Variants in SHCBP1L observed in about 807,000 individuals in gnomAD.
SHCBP1L encodes SHC binding and spindle associated 1 like, also known as testicular spindle-associated protein SHCBP1L.
In SHCBP1L, 67 loss-of-function variants were observed where a neutral mutation model predicts 62.5. The ratio of observed to expected loss-of-function variants is 1.07; its 90% CI spans 0.88 to 1.31. The LOEUF (loss-of-function observed/expected upper bound fraction) is 1.31. SHCBP1L is among the 40% of genes most tolerant of loss of function. The probability of loss-of-function intolerance (pLI) is 0.00; values close to 1 mark genes in which losing one functional copy is unlikely to be tolerated. For missense variants in SHCBP1L, 823 were observed against 809.8 expected, an observed-to-expected ratio of 1.02 and a Z score of -0.20; for synonymous variants, 284 against 289.4, an observed-to-expected ratio of 0.98 and a Z score of 0.19.
intron 6 of SHCBP1L, among the ~76,000 whole-genome samples, chr1:182,929,392 A>G (rs1366110562): frequency 1.3e-5 from 2 of 152,184 alleles, no homozygotes; most frequent in Non-Finnish European, 2.9e-5. Context: ...TGTCTCCCCT[A>G]AATGCAGTCT....
At chr1:182,942,927 T>C (rs768995085) in intron 2 of SHCBP1L, among the ~76,000 whole-genome samples, 92 of 152,274 alleles carry the variant, frequency 6.0e-4, no homozygotes, top group Non-Finnish European at 1.2e-3. Context: ...TTATAACTAA[T>C]TTAATATAAA....
intron 8 of SHCBP1L, 79 bp downstream of exon 8, chr1:182,904,101 C>A: frequency 6.7e-7 from 1 of 1,497,838 alleles, no homozygotes; most frequent in East Asian, 2.3e-5. Flanking sequence ...GAAATTGCTA[C>A]CCTTTATTTG....
intron 2 of SHCBP1L, among the ~76,000 whole-genome samples, chr1:182,946,793 G>A (rs1469139310): frequency 6.6e-6 from 1 of 152,004 alleles, no homozygotes; most frequent in African/African-American, 2.4e-5. Flanking sequence ...TTTTCTTTAT[G>A]GTGTTAGGAT....
intron 5 of SHCBP1L, among the ~76,000 whole-genome samples, chr1:182,933,510 C>T (rs914480670): frequency 3.9e-5 from 6 of 151,996 alleles, no homozygotes; most frequent in African/African-American, 7.2e-5. Context: ...GAGGAAAATG[C>T]CTTCTATTCC....
chr1:182,905,611 A>T lies in SHCBP1L; in HGVS notation c.1221T>A (p.His407Gln), dbSNP rs776094227. Reference protein sequence around the residue: ...DLSSDTLLQQHGDLDLALDNC... With the variant: ...DLSSDTLLQQQGDLDLALDNC... ...TATCCAAAGCCAAATCCAAATCACC[A>T]TGCTGTTGGAGAAGTGTGTCTGAAG... is the stretch of plus-strand genomic sequence containing the variant. Residue 407 changes from histidine to glutamine, a missense_variant, in exon 7 of 10, where the codon CAT (histidine) becomes CAA (glutamine). By Grantham distance (24) the His-to-Gln change is conservative. Coordinates refer to ENST00000367547, the MANE Select transcript of SHCBP1L (RefSeq NM_030933.4). 3.1e-6 allele frequency: 5 copies of T among 1,613,622 alleles called. No homozygotes were observed. The Admixed American group carries it at 8.3e-5, about 27-fold the overall frequency.
rs1024980182 is a variant in SHCBP1L at position 182,947,110 on chromosome 1, G to A, written c.555+4208C>T. Among the ~76,000 whole-genome samples, 6 of 151,878 alleles carry A rather than the reference G, an allele frequency of 4.0e-5. No individual in the cohort carries two copies. The East Asian group carries it at 7.8e-4, about 20-fold the overall frequency. ...AAATTAGCCGGGCATGGTGGCTCGC[G>A]CCTATAATCCCAGCTACTCAGGAGG... On this transcript the variant is annotated intron_variant, in intron 2 of 9. Coordinates refer to ENST00000367547, the MANE Select transcript of SHCBP1L (RefSeq NM_030933.4).
At chr1:182,951,537 T>C in intron 1 of SHCBP1L, 70 bp from the exon 2 acceptor site, 1 of 1,095,962 alleles carries the variant, frequency 9.1e-7, no homozygotes, top group Non-Finnish European at 1.2e-6. Flanking sequence ...GTGGTTTTTT[T>C]TTTTTTTACT....
Position 182,900,235 on chromosome 1 carries a change from C to T in SHCBP1L, c.1711-1G>A, listed in dbSNP as rs1186603254. 6.5e-7 allele frequency: 1 copy of T among 1,533,876 alleles called. No individual in the cohort carries two copies. Among genetic ancestry groups the T allele is most frequent in the Admixed American group, 2.2e-5 (1 of 45,652 alleles). ...TCTTCAATTTGGGTGCTGGAAGAAC[C>T]TATTAAATTATTTGAGGAAATTAGT... On this transcript the variant is annotated splice_acceptor_variant, in intron 9 of 9. Transcript: ENST00000367547. LOFTEE classifies it high-confidence loss of function.
chr1:182,951,720 G>A lies in SHCBP1L; in HGVS notation c.406-253C>T, dbSNP rs575066164. On this transcript the variant is annotated intron_variant, in intron 1 of 9. Transcript: ENST00000367547. ...GATAAGACAGCTAGTTATTGTTTATGTCTTAATTTTCAACTTTTTATAAAT... is the reference window on the plus strand; with the variant it reads ...GATAAGACAGCTAGTTATTGTTTATATCTTAATTTTCAACTTTTTATAAAT... Among the ~76,000 whole-genome samples the A allele has an allele frequency of 2.6e-5, 4 of 152,140 alleles. No individual in the cohort carries two copies. In the East Asian group the frequency reaches 5.8e-4, roughly 22 times the overall value.
intron 2 of SHCBP1L, among the ~76,000 whole-genome samples, chr1:182,948,234 TATGA>T (rs1651628512): frequency 6.6e-6 from 1 of 152,186 alleles, no homozygotes; most frequent in African/African-American, 2.4e-5. Flanking sequence ...TTGGTTATTG[TATGA>T]ATTCATGATA....
At chr1:182,903,737 C>A (rs967615120) in intron 8 of SHCBP1L, among the ~76,000 whole-genome samples, 1 of 152,106 alleles carries the variant, frequency 6.6e-6, no homozygotes, top group Admixed American at 6.6e-5. Flanking sequence ...TCAAGTGATC[C>A]TCCCGTCTCA....
intron 5 of SHCBP1L, among the ~76,000 whole-genome samples, chr1:182,935,406 T>G (rs1448759992): frequency 6.6e-6 from 1 of 152,180 alleles, no homozygotes; most frequent in Non-Finnish European, 1.5e-5. Flanking sequence ...GTATTTCACA[T>G]TTTTGGTTCT....
rs1173856466 is a variant in SHCBP1L at position 182,904,328 on chromosome 1, A to G, written c.1439T>C (p.Ile480Thr). The G allele has an allele frequency of 1.2e-6, 2 of 1,614,184 alleles. No individual in the cohort carries two copies. Among genetic ancestry groups the G allele is most frequent in the Admixed American group, 3.3e-5 (2 of 60,006 alleles). Reference sequence around the variant, plus strand: ...GATACCATCAACCGTCCCTTGTTGTATCAAAGATAGATGCATTAGTTTCAC... The same window carrying G: ...GATACCATCAACCGTCCCTTGTTGTGTCAAAGATAGATGCATTAGTTTCAC... ...DNVKLMHLSLIQQGTVDGIVV... is the reference protein window; with the variant it reads ...DNVKLMHLSLTQQGTVDGIVV... Residue 480 changes from isoleucine (I) to threonine (T), a missense_variant, in exon 8 of 10, where the codon ATA becomes ACA. By Grantham distance (89) the Ile-to-Thr change is moderately conservative (BLOSUM62 -1). Coordinates refer to ENST00000367547, the MANE Select transcript of SHCBP1L (RefSeq NM_030933.4).
chr1:182,918,112 A>G (rs1650410724), intron 6 of SHCBP1L, among the ~76,000 whole-genome samples: 1 of 148,906 alleles, frequency 6.7e-6, no homozygotes, highest in South Asian at 2.1e-4. Flanking sequence ...ATATATACAC[A>G]CACATATATA....
intron 5 of SHCBP1L, among the ~76,000 whole-genome samples, chr1:182,938,092 G>A (rs963836851): frequency 3.3e-5 from 5 of 152,170 alleles, no homozygotes; most frequent in East Asian, 1.9e-4. Flanking sequence ...TTTGTCCCCC[G>A]TCTTGTCTTT....
intron 2 of SHCBP1L, among the ~76,000 whole-genome samples, chr1:182,949,540 C>T (rs897714654): frequency 6.6e-6 from 1 of 151,532 alleles, no homozygotes; most frequent in Admixed American, 6.6e-5. Context: ...TTACTAAAAA[C>T]ACAAAAATTA....
chr1:182,949,886 C>G (rs1651691924), intron 2 of SHCBP1L, among the ~76,000 whole-genome samples: 1 of 146,002 alleles, frequency 6.8e-6, no homozygotes, highest in Non-Finnish European at 1.5e-5. Flanking sequence ...ACTGCAACCT[C>G]TGCCTCCCAG....
intron 6 of SHCBP1L, among the ~76,000 whole-genome samples, chr1:182,924,721 AAAGAAAG>A (rs1650635957): frequency 1.5e-5 from 1 of 68,522 alleles, no homozygotes; most frequent in East Asian, 4.9e-4. Flanking sequence ...AGAAAGAAAG[AAAGAAAG>A]AAAGAAAGAA....
intron 9 of SHCBP1L, among the ~76,000 whole-genome samples, chr1:182,900,532 A>C (rs1649800043): frequency 6.6e-6 from 1 of 152,138 alleles, no homozygotes; most frequent in Admixed American, 6.5e-5. Flanking sequence ...TCCCGGTTCA[A>C]GTGATTCTCC....
Sources: gnomAD v4.1 joint callset for allele counts (sites outside exome capture counted in the v4.1 genomes callset) on GRCh38, gnomAD v4.1.1 for gene constraint, MANE v1.5 for transcripts, NCBI Gene and HGNC (gene_info 2026-07-23, HGNC 2026-07-21) for gene names.